The following PTPRD variants were observed in gnomAD, a reference collection of about 807,000 sequenced individuals.
The protein encoded by PTPRD is protein tyrosine phosphatase receptor type D.
Under a neutral mutation model 214.5 loss-of-function variants are expected in PTPRD, and 34 were observed. The observed-to-expected ratio is 0.16, with a 90% CI of 0.12 to 0.21. The LOEUF is 0.21. PTPRD is among the 10% of genes least tolerant of loss of function. PTPRD has a pLI of 1.00. For synonymous variants in PTPRD, 1,128 were observed against 845.7 expected, an observed-to-expected ratio of 1.33 and a Z score of -5.79; for missense variants, 2,545 against 2,398.7, an observed-to-expected ratio of 1.06 and a Z score of -1.27.
intron 9 of PTPRD, among the ~76,000 whole-genome samples, chr9:9,326,387 A>G (rs2039906792): frequency 1.3e-5 from 2 of 152,288 alleles, no homozygotes; most frequent in South Asian, 4.1e-4. Context: ...ACAAAGAATT[A>G]TGAAATATTT....
intron 35 of PTPRD, among the ~76,000 whole-genome samples, chr9:8,421,159 T>C (rs12376932): frequency 6.6e-6 from 1 of 152,160 alleles, no homozygotes; most frequent in Non-Finnish European, 1.5e-5. Flanking sequence ...TCTCTCTATA[T>C]ATCATGTGAC....
intron 11 of PTPRD, among the ~76,000 whole-genome samples, chr9:9,009,491 C>T (rs1336762983): frequency 1.3e-5 from 2 of 151,304 alleles, no homozygotes; most frequent in Admixed American, 6.6e-5. Context: ...AAATGTGTGC[C>T]ATAGGGGTTT....
At chr9:9,488,404 T>G (rs986663522) in intron 8 of PTPRD, among the ~76,000 whole-genome samples, 3 of 152,158 alleles carry the variant, frequency 2.0e-5, no homozygotes, top group African/African-American at 7.2e-5. Context: ...CGCCAAGACC[T>G]GCTGCCTCTA....
chr9:8,778,090 T>A (rs751348308), intron 11 of PTPRD, among the ~76,000 whole-genome samples: 8 of 152,234 alleles, frequency 5.3e-5, no homozygotes, highest in Admixed American at 1.3e-4. Flanking sequence ...TCTGTGGTAA[T>A]ACATTACATT....
intron 3 of PTPRD, among the ~76,000 whole-genome samples, chr9:10,236,993 T>C (rs2099631190): frequency 6.6e-6 from 1 of 151,948 alleles, no homozygotes; most frequent in African/African-American, 2.4e-5. Context: ...ATATTCTGTA[T>C]GATACAATAA....
intron 10 of PTPRD, among the ~76,000 whole-genome samples, chr9:9,084,066 G>A (rs1323409009): frequency 6.6e-6 from 1 of 152,020 alleles, no homozygotes; most frequent in African/African-American, 2.4e-5. Flanking sequence ...TATACCCAAA[G>A]GATTATAAAT....
chr9:8,445,979 A>G (rs542280926), intron 34 of PTPRD, among the ~76,000 whole-genome samples: 13 of 152,272 alleles, frequency 8.5e-5, no homozygotes, highest in African/African-American at 3.1e-4. Context: ...TTCAAGTCCA[A>G]GCTACTTCTT....
chr9:9,088,356 G>A (rs1328839306), intron 10 of PTPRD, among the ~76,000 whole-genome samples: 1 of 151,630 alleles, frequency 6.6e-6, no homozygotes, highest in Non-Finnish European at 1.5e-5. Context: ...GGGAGGCCGA[G>A]GCAGCTGGAT....
At chr9:9,197,339 A>G (rs1324742017) in intron 9 of PTPRD, among the ~76,000 whole-genome samples, 1 of 152,116 alleles carries the variant, frequency 6.6e-6, no homozygotes, top group Non-Finnish European at 1.5e-5. Flanking sequence ...CACTAAACTC[A>G]ACTTCTTTGA....
intron 3 of PTPRD, among the ~76,000 whole-genome samples, chr9:10,268,743 G>A (rs2094245323): frequency 6.6e-6 from 1 of 152,082 alleles, no homozygotes; most frequent in Non-Finnish European, 1.5e-5. Flanking sequence ...TAACCACAAT[G>A]TTGAACAACT....
intron 3 of PTPRD, among the ~76,000 whole-genome samples, chr9:10,266,127 GGACA>G (rs1480125364): frequency 1.3e-5 from 2 of 151,950 alleles, no homozygotes; most frequent in African/African-American, 2.4e-5. Context: ...TTACACATGT[GGACA>G]GACACACACA....
intron 2 of PTPRD, among the ~76,000 whole-genome samples, chr9:10,375,150 A>G (rs534825070): frequency 1.4e-4 from 21 of 152,190 alleles, no homozygotes; most frequent in African/African-American, 4.8e-4. Context: ...CTACATGGCA[A>G]CATAGATATT....
At chr9:10,143,890 G>A (rs2099004935) in intron 3 of PTPRD, among the ~76,000 whole-genome samples, 1 of 151,924 alleles carries the variant, frequency 6.6e-6, no homozygotes, top group South Asian at 2.1e-4. Flanking sequence ...AGAGACACTG[G>A]GGGATGCAAG....
intron 3 of PTPRD, among the ~76,000 whole-genome samples, chr9:10,270,853 A>ATT (rs56278072): frequency 2.0e-5 from 3 of 151,838 alleles, no homozygotes; most frequent in Admixed American, 6.6e-5. Context: ...TATTTTACTT[A>ATT]TTTTTTTATG....
intron 8 of PTPRD, among the ~76,000 whole-genome samples, chr9:9,521,142 G>A (rs1487966969): frequency 6.6e-6 from 1 of 152,132 alleles, no homozygotes; most frequent in African/African-American, 2.4e-5. Context: ...CCTGTTCTCT[G>A]GCTGCTTGAG....
At chr9:9,639,803 G>A (rs1373436977) in intron 7 of PTPRD, among the ~76,000 whole-genome samples, 1 of 152,052 alleles carries the variant, frequency 6.6e-6, no homozygotes, top group African/African-American at 2.4e-5. Context: ...CTAAATCTCT[G>A]TTGACTTTGC....
intron 5 of PTPRD, among the ~76,000 whole-genome samples, chr9:9,852,538 G>A (rs2060739204): frequency 1.3e-5 from 2 of 151,940 alleles, no homozygotes; most frequent in Non-Finnish European, 2.9e-5. Flanking sequence ...AGTGTCTAGA[G>A]TTATATAGAA....
intron 2 of PTPRD, among the ~76,000 whole-genome samples, chr9:10,398,752 T>C (rs1417115201): frequency 6.6e-6 from 1 of 151,976 alleles, no homozygotes; most frequent in Non-Finnish European, 1.5e-5. Flanking sequence ...CGTATGCATA[T>C]TGTGTTTTTA....
chr9:9,639,934 G>T (rs2095882167), intron 7 of PTPRD, among the ~76,000 whole-genome samples: 1 of 152,178 alleles, frequency 6.6e-6, no homozygotes, highest in Admixed American at 6.5e-5. Context: ...TACAGGCTTT[G>T]TTCTGTAGAG....
Sources: allele counts gnomAD v4.1 joint callset (sites outside exome capture counted in the v4.1 genomes callset), GRCh38; gene constraint gnomAD v4.1.1; transcripts MANE v1.5; gene names NCBI Gene and HGNC (gene_info 2026-07-23, HGNC 2026-07-21).